Variants in ATP13A4 observed in about 807,000 individuals in gnomAD.
The protein encoded by ATP13A4 is probable cation-transporting ATPase 13A4.
ATP13A4 carries 114 observed loss-of-function variants against 142.5 expected under a neutral mutation model. That is an observed-to-expected ratio of 0.80 (90% confidence interval 0.69 to 0.93). The LOEUF is 0.93. Ranked by LOEUF, ATP13A4 falls within the 40% of genes least tolerant of loss-of-function variation. The probability of loss-of-function intolerance (pLI) is 0.00; values close to 1 mark genes in which losing one functional copy is unlikely to be tolerated. For missense variants in ATP13A4, 1,392 were observed against 1,454.0 expected, an observed-to-expected ratio of 0.96 and a Z score of 0.69; for synonymous variants, 488 against 514.8, an observed-to-expected ratio of 0.95 and a Z score of 0.70.
intron 2 of ATP13A4, among the ~76,000 whole-genome samples, chr3:193,569,315 A>G (rs926327705): frequency 1.3e-5 from 2 of 152,242 alleles, no homozygotes; most frequent in African/African-American, 4.8e-5. Flanking sequence ...AAAATTGACA[A>G]GGTCATCAAA....
rs1716642171 is a variant in ATP13A4, at chr3:193,441,553, A to G, written c.2352T>C (p.Asp784=). 1 of 1,613,136 alleles carries G rather than the reference A, an allele frequency of 6.2e-7. No individual in the cohort carries two copies. Among genetic ancestry groups the G allele is most frequent in the Non-Finnish European group, 8.5e-7 (1 of 1,179,162 alleles). Residue 784 remains aspartate, a synonymous_variant, in exon 20 of 30, where the codon GAT becomes GAC. Transcript: ENST00000342695. The part of the protein sequence containing the change: ...NYINIRDEVS[D]KGREGSYHFA... ...AATGGTAACTTCCTTCTCTGCCTTT[A>G]TCAGAGACTTCATCCCTGATGTTAA... is the stretch of plus-strand genomic sequence containing the variant.
chr3:193,577,546 G>A (rs1036197520), intron 2 of ATP13A4, among the ~76,000 whole-genome samples: 1 of 152,168 alleles, frequency 6.6e-6, no homozygotes, highest in Admixed American at 6.5e-5. Flanking sequence ...GTACAAAATG[G>A]AACATTGTAT....
chr3:193,548,783 G>A (rs1002489501), intron 1 of ATP13A4, among the ~76,000 whole-genome samples: 5 of 152,256 alleles, frequency 3.3e-5, no homozygotes, highest in Middle Eastern at 3.4e-3. Context: ...ATGTGGTAAC[G>A]ACCACACACC....
At chr3:193,582,612 T>C (rs1282160317) in intron 1 of ATP13A4, among the ~76,000 whole-genome samples, 2 of 109,236 alleles carry the variant, frequency 1.8e-5, no homozygotes, top group Non-Finnish European at 3.5e-5. Flanking sequence ...ATTACATGTA[T>C]ATTATATATG....
chr3:193,590,815 G>C (rs1324806798), intron 1 of ATP13A4, among the ~76,000 whole-genome samples: 2 of 152,106 alleles, frequency 1.3e-5, no homozygotes, highest in Non-Finnish European at 2.9e-5. Context: ...TTTTTACTAA[G>C]AAAAGTAGAA....
intron 9 of ATP13A4, among the ~76,000 whole-genome samples, chr3:193,468,414 A>T (rs1434878845): frequency 6.6e-6 from 1 of 152,158 alleles, no homozygotes; most frequent in Non-Finnish European, 1.5e-5. Context: ...CTGAACTATA[A>T]CAGCTGGCAG....
intron 3 of ATP13A4, among the ~76,000 whole-genome samples, chr3:193,496,636 C>T (rs1720242868): frequency 6.6e-6 from 1 of 151,830 alleles, no homozygotes; most frequent in African/African-American, 2.4e-5. Flanking sequence ...ACTAAAAGTA[C>T]AAAAGTTAGC....
In ATP13A4 at chr3:193,422,408, A is replaced by C. The variant is rs1715451134; in HGVS notation, c.2843-7658T>G. 3.4e-5 allele frequency among the ~76,000 whole-genome samples: 5 copies of C among 145,224 alleles called. 2 individuals are homozygous for C. The Admixed American group carries it at 3.7e-4, about 11-fold the overall frequency. On this transcript the variant is annotated intron_variant, in intron 25 of 29. Coordinates refer to ENST00000342695, the MANE Select transcript of ATP13A4 (RefSeq NM_032279.4). The stretch of plus-strand genomic sequence containing the variant: ...CAGACATATACAAAACTTTCTATTC[A>C]ATAACAGAAGAATACACATTATTTT...
intron 1 of ATP13A4, among the ~76,000 whole-genome samples, chr3:193,583,710 C>G (rs1221087763): frequency 6.6e-6 from 1 of 151,808 alleles, no homozygotes; most frequent in Non-Finnish European, 1.5e-5. Flanking sequence ...AGAAGCTTGA[C>G]CTCTAAGATA....
intron 2 of ATP13A4, among the ~76,000 whole-genome samples, chr3:193,509,756 A>G (rs1489927): frequency 0.32 from 48,691 of 152,002 alleles, 7,998 homozygotes; most frequent in Admixed American, 0.39. Context: ...CTTAACAGAG[A>G]AGGTGATATG....
At chr3:193,491,225 C>T in intron 6 of ATP13A4, 104 bp downstream of exon 6, 1 of 872,442 alleles carries the variant, frequency 1.1e-6, no homozygotes, top group Admixed American at 1.7e-5. Flanking sequence ...AAAATATACT[C>T]TATGTGAAGT....
chr3:193,457,086 A>G lies in ATP13A4; in HGVS notation c.1829T>C (p.Val610Ala), dbSNP rs1245543398. ...PFSSALQRMTVIVQEMGGDRL... is the reference protein window; with the variant it reads ...PFSSALQRMTAIVQEMGGDRL... The stretch of plus-strand genomic sequence containing the variant: ...GTCACCTCCCATCTCTTGGACAATG[A>G]CTGTCATTCTTTGCAGTGCCGATGA... Residue 610 changes from valine (V) to alanine (A), a missense_variant, in exon 16 of 30, where the codon GTC becomes GCC. Transcript: ENST00000342695. 6.2e-7 allele frequency: 1 copy of G among 1,613,976 alleles called. No individual in the cohort carries two copies. Among genetic ancestry groups the G allele is most frequent in the South Asian group, 1.1e-5 (1 of 91,068 alleles).
chr3:193,557,343 C>T (rs943542901), upstream of ATP13A4, among the ~76,000 whole-genome samples: 19 of 152,162 alleles, frequency 1.2e-4, no homozygotes, highest in African/African-American at 4.3e-4. Flanking sequence ...TAGATTTTAT[C>T]GATGGCAACA....
chr3:193,463,424 TA>T (rs11336311), intron 12 of ATP13A4, among the ~76,000 whole-genome samples: 28,775 of 95,992 alleles, frequency 0.3, 3,622 homozygotes, highest in African/African-American at 0.41. Context: ...TGCTATTTGG[TA>T]AAAAAAAAAA....
chr3:193,454,132 C>T lies in ATP13A4; in HGVS notation c.1996G>A (p.Glu666Lys), dbSNP rs1205783141. The T allele has an allele frequency of 2.5e-6, 4 of 1,613,972 alleles. No homozygotes were observed. Among genetic ancestry groups the T allele is most frequent in the Non-Finnish European group, 3.4e-6 (4 of 1,179,842 alleles). ...AAGGTAGTAGCGTGATGGTCATTTT[C>T]CAGCTTCTTGTAGGCCAGTGCTATG... ...RVIALAYKKL[E>K]NDHHATTLTR... The change falls in exon 17 of 30, where the codon GAA becomes AAA. Residue 666 changes from glutamate to lysine, a missense_variant. Transcript: ENST00000342695.
intron 2 of ATP13A4, among the ~76,000 whole-genome samples, chr3:193,511,499 G>C (rs143897444): frequency 5.3e-4 from 80 of 152,324 alleles, no homozygotes; most frequent in African/African-American, 1.9e-3. Flanking sequence ...ACGTCATCCA[G>C]ATAAGCAAGA....
chr3:193,533,981 A>T (rs961124206), intron 1 of ATP13A4, among the ~76,000 whole-genome samples: 1 of 152,182 alleles, frequency 6.6e-6, no homozygotes, highest in African/African-American at 2.4e-5. Flanking sequence ...AGCCCAGTAG[A>T]GAGTTAGAAC....
intron 1 of ATP13A4, 116 bp downstream of exon 1, chr3:193,554,624 T>G: frequency 7.3e-7 from 1 of 1,366,894 alleles, no homozygotes; most frequent in Non-Finnish European, 1.0e-6. Context: ...AGTGAAATTT[T>G]AGAAAAGTCT....
chr3:193,534,945 A>T (rs1282719987), intron 1 of ATP13A4, among the ~76,000 whole-genome samples: 1 of 148,094 alleles, frequency 6.8e-6, no homozygotes, highest in Non-Finnish European at 1.5e-5. Flanking sequence ...TCTGTAAAAA[A>T]TAAAGACAAA....
Sources: allele counts gnomAD v4.1 joint callset (sites outside exome capture counted in the v4.1 genomes callset), GRCh38; gene constraint gnomAD v4.1.1; transcripts MANE v1.5; gene names NCBI Gene and HGNC (gene_info 2026-07-23, HGNC 2026-07-21).